Variants in MSI1 observed in about 807,000 individuals in gnomAD.
The protein encoded by MSI1 is RNA-binding protein Musashi homolog 1.
MSI1 carries 15 observed loss-of-function variants against 54.4 expected under a neutral mutation model. The observed-to-expected ratio is 0.28, with a 90% CI of 0.18 to 0.42. The LOEUF is 0.42. Among genes scored for constraint, MSI1 ranks in the 20% least tolerant of loss-of-function variants. The pLI, the probability that MSI1 is intolerant of heterozygous loss-of-function variation, is 1.00. For synonymous variants in MSI1, 200 were observed against 196.5 expected (o/e 1.02, Z -0.15); for missense variants, 304 against 506.0 (o/e 0.60, Z 3.83).
In MSI1 at chr12:120,368,268, G is replaced by A. The variant is rs771314647; in HGVS notation, c.106C>T (p.Leu36=). 6.4e-7 allele frequency: 1 copy of A among 1,571,950 alleles called. No individual in the cohort carries two copies. The highest frequency in any genetic ancestry group is 8.6e-7 in the Non-Finnish European group (1 of 1,157,754). Residue 36 remains leucine, a synonymous_variant, in exon 3 of 15, where the codon CTG becomes TTG. Transcript: ENST00000257552. This position sits in a 1 kb window ranked among gnomAD's most constrained non-coding sequence, Gnocchi z 6.6. ...GLSWQTTQEG[L]REYFGQFGEV... is the part of the protein sequence containing the mutation. Reference sequence around the variant, plus strand: ...CCGAACTGGCCGAAGTATTCGCGCAGCCCTTCTGTAACCACACACCCGCCT... The same window carrying A: ...CCGAACTGGCCGAAGTATTCGCGCAACCCTTCTGTAACCACACACCCGCCT...
At chr12:120,354,771 G>A (rs1874936805) in intron 9 of MSI1, among the ~76,000 whole-genome samples, 1 of 152,128 alleles carries the variant, frequency 6.6e-6, no homozygotes, top group African/African-American at 2.4e-5. Context: ...AACAGCTCAT[G>A]AATCACCTTA....
chr12:120,364,729 C>T lies in MSI1; in HGVS notation c.294G>A (p.Arg98=). 6.2e-7 allele frequency: 1 copy of T among 1,600,134 alleles called. No individual in the cohort carries two copies. Among genetic ancestry groups the T allele is most frequent in the South Asian group, 1.1e-5 (1 of 87,624 alleles). The change falls in exon 5 of 15, where the codon CGG becomes CGA. Residue 98 remains arginine (R), a synonymous_variant. Transcript: ENST00000257552. ...KTIDPKVAFP[R]RAQPKMVTRT... ...ACACACCTACCTTGGGCTGTGCTCG[C>T]CGAGGGAAGGCCACCTTAGGGTCAA...
intron 10 of MSI1, among the ~76,000 whole-genome samples, chr12:120,352,907 C>T (rs182476775): frequency 3.7e-4 from 57 of 152,288 alleles, no homozygotes; most frequent in African/African-American, 1.3e-3. Context: ...TGAAAGAGCT[C>T]AGCCTAGAGC....
intron 6 of MSI1, chr12:120,361,432 G>C (rs912890219): frequency 1.3e-5 from 2 of 152,414 alleles, no homozygotes; most frequent in African/African-American, 4.8e-5. Context: ...GGGACGGTGG[G>C]GTTGAGGCCA....
chr12:120,351,711 C>CTTT (rs34601359), intron 10 of MSI1, among the ~76,000 whole-genome samples: 1 of 125,532 alleles, frequency 8.0e-6, no homozygotes, highest in African/African-American at 3.0e-5. Flanking sequence ...TTCTTTCTCT[C>CTTT]TTTTTTTTTT....
At chr12:120,351,525 C>T (rs1874595816) in intron 10 of MSI1, 125 bp from the exon 11 acceptor site, 4 of 786,540 alleles carry the variant, frequency 5.1e-6, no homozygotes, top group Non-Finnish European at 8.2e-6. Context: ...GACCCAAGAG[C>T]TGGGGAGGGG....
chr12:120,360,254 G>A (rs569129227), intron 6 of MSI1, among the ~76,000 whole-genome samples: 1 of 152,100 alleles, frequency 6.6e-6, no homozygotes, highest in Non-Finnish European at 1.5e-5. Context: ...CAAAGTGCTG[G>A]GATTACAGGC....
intron 10 of MSI1, among the ~76,000 whole-genome samples, chr12:120,352,776 T>C (rs1308774529): frequency 6.6e-6 from 1 of 151,578 alleles, no homozygotes; most frequent in Admixed American, 6.5e-5. Flanking sequence ...CTGGGCTTCC[T>C]GACATTTACT....
chr12:120,348,159 A>C (rs1278772026), intron 11 of MSI1, among the ~76,000 whole-genome samples: 1 of 130,376 alleles, frequency 7.7e-6, no homozygotes, highest in East Asian at 2.2e-4. Context: ...AAATCCCCCC[A>C]GCCTCTTTGT....
Position 120,345,642 on chromosome 12 carries a change from A to G in MSI1, c.1048-10T>C, listed in dbSNP as rs1252020187. 1.2e-6 allele frequency: 2 copies of G among 1,613,886 alleles called. No homozygotes were observed. Among genetic ancestry groups the G allele is most frequent in the Admixed American group, 1.7e-5 (1 of 60,002 alleles). ...TGGCAATCAAAGGGCCCTGAAAAGG[A>G]AAGAATTTGACTCCTAGATTCCTGG... On this transcript the variant is annotated splice_polypyrimidine_tract_variant and intron_variant, in intron 13 of 14. Transcript: ENST00000257552.
At chr12:120,357,754 C>A in intron 8 of MSI1, 62 bp downstream of exon 8, 2 of 1,547,542 alleles carry the variant, frequency 1.3e-6, no homozygotes, top group Non-Finnish European at 1.8e-6. Flanking sequence ...AATCTGCCCA[C>A]CTCAACCTCC....
At position 120,368,014 on chromosome 12, in the gene MSI1, G is replaced by T; in HGVS notation, c.261C>A (p.Ser87=). The stretch of plus-strand genomic sequence containing the variant: ...AGCCCCGAGGGCCACTCACTGTTTT[G>T]GAGTCGAGCTCGTGCCGCGATTGCG... ...VLAQSRHELD[S]KTIDPKVAFP... Residue 87 remains serine, a synonymous_variant, in exon 4 of 15, where the codon TCC becomes TCA. Transcript: ENST00000257552. This position sits in a 1 kb window ranked among gnomAD's most constrained non-coding sequence, Gnocchi z 6.6. 6.2e-7 allele frequency: 1 copy of T among 1,611,406 alleles called. No individual in the cohort carries two copies. The highest frequency in any genetic ancestry group is 8.5e-7 in the Non-Finnish European group (1 of 1,178,862).
In MSI1 at chr12:120,347,471, C is replaced by CGCCGCT; in HGVS notation, c.828_833dup (p.Ala280_Ala281dup). 6.2e-7 allele frequency: 1 copy of CGCCGCT among 1,614,034 alleles called. No homozygotes were observed. The highest frequency in any genetic ancestry group is 8.5e-7 in the Non-Finnish European group (1 of 1,179,990). ...CTGTCCCTCGAACCACAGCCGCTGC[C>CGCCGCT]GCCGCTGCCGCCGCCATTGGTCCGT... On this transcript the variant is annotated inframe_insertion, in exon 12 of 15. Transcript: ENST00000257552.
intron 4 of MSI1, among the ~76,000 whole-genome samples, chr12:120,365,314 T>C (rs1158993992): frequency 6.6e-6 from 1 of 152,092 alleles, no homozygotes; most frequent in Non-Finnish European, 1.5e-5. Context: ...TCTTTGAACG[T>C]CAGGGTCAAG....
At chr12:120,357,221 C>G (rs1279448002) in intron 8 of MSI1, among the ~76,000 whole-genome samples, 1 of 151,950 alleles carries the variant, frequency 6.6e-6, no homozygotes, top group African/African-American at 2.4e-5. Flanking sequence ...AATGCTTACA[C>G]CAATACTACC....
intron 10 of MSI1, 21 bp downstream of exon 10, chr12:120,353,278 G>A (rs1874795368): frequency 6.2e-7 from 1 of 1,610,820 alleles, no homozygotes; most frequent in Admixed American, 1.7e-5. Context: ...TGGCAGCAGA[G>A]GGATACTGAG....
intron 6 of MSI1, 109 bp downstream of exon 6, chr12:120,362,934 C>T: frequency 1.0e-6 from 1 of 963,184 alleles, no homozygotes; most frequent in South Asian, 1.5e-5. Flanking sequence ...TCCAGCCCCA[C>T]TCTCATCTTT....
intron 6 of MSI1, among the ~76,000 whole-genome samples, chr12:120,360,071 C>T (rs552373035): frequency 2.3e-4 from 35 of 152,068 alleles, no homozygotes; most frequent in Non-Finnish European, 3.4e-4. Flanking sequence ...CTGCAGCCCC[C>T]GCCTCCCAGG....
chr12:120,351,278 A>G, intron 11 of MSI1, 66 bp downstream of exon 11: 8 of 1,429,952 alleles, frequency 5.6e-6, no homozygotes, highest in Non-Finnish European at 7.8e-6. Flanking sequence ...TCCCCAGGAA[A>G]CTCCCTGGGC....
Sources: allele counts gnomAD v4.1 joint callset (sites outside exome capture counted in the v4.1 genomes callset), GRCh38; gene constraint gnomAD v4.1.1; non-coding constraint Gnocchi (gnomAD v3.1); transcripts MANE v1.5; gene names NCBI Gene and HGNC (gene_info 2026-07-23, HGNC 2026-07-21).